Variants in TSPAN9 observed in about 807,000 individuals in gnomAD.
TSPAN9 encodes tetraspanin 9.
In TSPAN9, 16 loss-of-function variants were observed where a neutral mutation model predicts 31.0. The ratio of observed to expected loss-of-function variants is 0.52; its 90% CI spans 0.35 to 0.78. The LOEUF (loss-of-function observed/expected upper bound fraction) is 0.78, where lower values mean the gene tolerates loss of function less well. Among genes scored for constraint, TSPAN9 ranks in the 30% least tolerant of loss-of-function variants. TSPAN9 has a pLI of 0.01. For missense variants in TSPAN9, 272 were observed against 312.5 expected (o/e 0.87, Z 0.98); for synonymous variants, 145 against 121.6 (o/e 1.19, Z -1.27).
intron 2 of TSPAN9, among the ~76,000 whole-genome samples, chr12:3,174,782 C>T (rs1347200844): frequency 2.7e-5 from 4 of 149,004 alleles, no homozygotes; most frequent in African/African-American, 7.3e-5. Context: ...CGGGGTTTCA[C>T]CGTGTTAGCC....
At chr12:3,274,891 G>A (rs146130769) in intron 3 of TSPAN9, among the ~76,000 whole-genome samples, 1,630 of 152,364 alleles carry the variant, frequency 0.011, 33 homozygotes, top group African/African-American at 0.037. Flanking sequence ...TGTGATGGAG[G>A]CAGGAACAGG....
At chr12:3,271,557 A>G (rs965488953) in intron 3 of TSPAN9, among the ~76,000 whole-genome samples, 3 of 147,622 alleles carry the variant, frequency 2.0e-5, no homozygotes, top group East Asian at 1.9e-4. Flanking sequence ...AAAAAAAAAA[A>G]AAGAAGAATG....
intron 3 of TSPAN9, among the ~76,000 whole-genome samples, chr12:3,211,451 C>G (rs1344080502): frequency 2.0e-5 from 3 of 152,248 alleles, no homozygotes; most frequent in South Asian, 2.1e-4. Flanking sequence ...GTTCTTGGCC[C>G]TTTGTTCTTT....
At chr12:3,211,618 G>A (rs1488838364) in intron 3 of TSPAN9, 4 of 1,030,944 alleles carry the variant, frequency 3.9e-6, no homozygotes, top group East Asian at 2.5e-5. Context: ...TATCCAAAAT[G>A]TGTTTATTGA....
chr12:3,131,974 CTG>C (rs917793062), intron 2 of TSPAN9, among the ~76,000 whole-genome samples: 1 of 152,200 alleles, frequency 6.6e-6, no homozygotes, highest in Admixed American at 6.5e-5. Context: ...TGCTTTCTAT[CTG>C]TGGATTTGCC....
At position 3,187,606 on chromosome 12, in the gene TSPAN9, AGAC is replaced by A. The variant is rs2153971780; in HGVS notation, c.-17-13570_-17-13568del. Among the ~76,000 whole-genome samples the A allele has an allele frequency of 6.6e-6, 1 of 152,190 alleles. No homozygotes were observed. The highest frequency in any genetic ancestry group is 6.5e-5 in the Admixed American group (1 of 15,294). On this transcript the variant is annotated intron_variant, in intron 2 of 8. Coordinates refer to ENST00000011898, the MANE Select transcript of TSPAN9 (RefSeq NM_006675.5). This position sits in a 1 kb window ranked among gnomAD's most constrained non-coding sequence, Gnocchi z 5.2. ...CCTTTGTTCCCTCTTTTACAAACGGAGACAACTTCCCTGCTTATCTTGCAGGGG... is the reference window on the plus strand; with the variant it reads ...CCTTTGTTCCCTCTTTTACAAACGGAAACTTCCCTGCTTATCTTGCAGGGG...
intron 2 of TSPAN9, among the ~76,000 whole-genome samples, chr12:3,160,449 G>A (rs1315441121): frequency 6.6e-6 from 1 of 152,158 alleles, no homozygotes; most frequent in Non-Finnish European, 1.5e-5. Context: ...TTTATTTCAG[G>A]TATCTAGGAG....
At chr12:3,126,136 C>T (rs1222138771) in intron 2 of TSPAN9, among the ~76,000 whole-genome samples, 4 of 152,268 alleles carry the variant, frequency 2.6e-5, no homozygotes, top group Admixed American at 2.0e-4. Flanking sequence ...CTTCACTTTC[C>T]TCCTCTGTCA....
chr12:3,158,961 T>G (rs1356963724), intron 2 of TSPAN9, among the ~76,000 whole-genome samples: 1 of 151,856 alleles, frequency 6.6e-6, no homozygotes, highest in African/African-American at 2.4e-5. Context: ...GTCACAGATA[T>G]GAAATTAATG....
At chr12:3,096,927 T>C (rs1227314476) in intron 2 of TSPAN9, among the ~76,000 whole-genome samples, 3 of 152,168 alleles carry the variant, frequency 2.0e-5, no homozygotes, top group Admixed American at 6.5e-5. Flanking sequence ...CTCGATCTTC[T>C]CACCTCGTGA....
chr12:3,105,794 ACGCACACATG>A (rs1313414194), intron 2 of TSPAN9, among the ~76,000 whole-genome samples: 2 of 150,944 alleles, frequency 1.3e-5, no homozygotes, highest in East Asian at 1.9e-4. Flanking sequence ...ATACACACTC[ACGCACACATG>A]CGCACACACG....
At chr12:3,112,070 C>T (rs1214758138) in intron 2 of TSPAN9, among the ~76,000 whole-genome samples, 1 of 150,808 alleles carries the variant, frequency 6.6e-6, no homozygotes, top group Admixed American at 6.7e-5. Flanking sequence ...TATTTATTGT[C>T]TAGGAATTTA....
intron 3 of TSPAN9, among the ~76,000 whole-genome samples, chr12:3,207,547 T>A (rs2098375939): frequency 6.6e-6 from 1 of 152,156 alleles, no homozygotes; most frequent in African/African-American, 2.4e-5. Context: ...CTCGACTCTT[T>A]AACCAGCCAT....
At chr12:3,234,480 A>G (rs560672759) in intron 3 of TSPAN9, among the ~76,000 whole-genome samples, 61 of 152,296 alleles carry the variant, frequency 4.0e-4, no homozygotes, top group South Asian at 3.5e-3. Flanking sequence ...ATTAAATGCA[A>G]GCATTGATTG....
intron 3 of TSPAN9, among the ~76,000 whole-genome samples, chr12:3,247,577 G>C (rs1040755765): frequency 8.5e-5 from 13 of 152,154 alleles, no homozygotes; most frequent in African/African-American, 3.1e-4. Context: ...CAGAGTACCC[G>C]TAGGGAGTAC....
intron 2 of TSPAN9, among the ~76,000 whole-genome samples, chr12:3,120,165 A>G (rs10848807): frequency 6.6e-6 from 1 of 151,980 alleles, no homozygotes; most frequent in Non-Finnish European, 1.5e-5. Flanking sequence ...GCTTTAATGT[A>G]TGCTTTGGAA....
intron 3 of TSPAN9, among the ~76,000 whole-genome samples, chr12:3,261,553 C>T (rs1010232863): frequency 6.6e-6 from 1 of 152,146 alleles, no homozygotes; most frequent in African/African-American, 2.4e-5. Context: ...GGGACACAGG[C>T]GGAGAAGCAT....
At chr12:3,114,640 C>T (rs11062506) in intron 2 of TSPAN9, among the ~76,000 whole-genome samples, 55,708 of 151,748 alleles carry the variant, frequency 0.37, 11,389 homozygotes, top group Admixed American at 0.5. Context: ...GCCAGGAGTT[C>T]GAGACCAGCC....
At chr12:3,239,531 G>A (rs1164005237) in intron 3 of TSPAN9, among the ~76,000 whole-genome samples, 1 of 152,204 alleles carries the variant, frequency 6.6e-6, no homozygotes, top group African/African-American at 2.4e-5. Context: ...CACCTTCCCC[G>A]CTCCACTGCC....
Sources: gnomAD v4.1 joint callset for allele counts (sites outside exome capture counted in the v4.1 genomes callset) on GRCh38, gnomAD v4.1.1 for gene constraint, Gnocchi (gnomAD v3.1) non-coding constraint, MANE v1.5 for transcripts, NCBI Gene and HGNC (gene_info 2026-07-23, HGNC 2026-07-21) for gene names.